RFX3: variants seen among roughly 807,000 people sequenced by gnomAD.
The protein encoded by RFX3 is transcription factor RFX3.
RFX3 carries 14 observed loss-of-function variants against 98.6 expected under a neutral mutation model. That is an observed-to-expected ratio of 0.14 (90% CI 0.09 to 0.22). The LOEUF (loss-of-function observed/expected upper bound fraction) is 0.22. Among genes scored for constraint, RFX3 ranks in the 10% least tolerant of loss-of-function variants. RFX3 has a pLI of 1.00. For synonymous variants in RFX3, 383 were observed against 328.4 expected, an observed-to-expected ratio of 1.17 and a Z score of -1.80; for missense variants, 639 against 926.9, an observed-to-expected ratio of 0.69 and a Z score of 4.03.
At chr9:3,338,081 T>C (rs1334932835) in intron 3 of RFX3, among the ~76,000 whole-genome samples, 1 of 152,200 alleles carries the variant, frequency 6.6e-6, no homozygotes, top group East Asian at 1.9e-4. Flanking sequence ...GACATGTCTA[T>C]TTTGTGGAAG....
intron 3 of RFX3, chr9:3,344,589 A>G (rs1834234796): frequency 4.1e-6 from 2 of 493,804 alleles, no homozygotes; most frequent in South Asian, 5.2e-5. Flanking sequence ...TAACTCTCTC[A>G]ATACCCATTT....
intron 1 of RFX3, among the ~76,000 whole-genome samples, chr9:3,420,304 C>G (rs1049925509): frequency 6.6e-6 from 1 of 152,122 alleles, no homozygotes; most frequent in African/African-American, 2.4e-5. Context: ...AACCAAATGC[C>G]CCTACACAGA....
chr9:3,369,108 AAGAT>A (rs770322923), intron 2 of RFX3, among the ~76,000 whole-genome samples: 2 of 152,192 alleles, frequency 1.3e-5, no homozygotes, highest in Non-Finnish European at 2.9e-5. Flanking sequence ...CCAGGAGAAA[AAGAT>A]AGGAAGACAG....
At position 3,270,419 on chromosome 9, in the gene RFX3, G is replaced by C. The variant is rs758521951; in HGVS notation, c.1309C>G (p.Gln437Glu). 6.2e-7 allele frequency: 1 copy of C among 1,613,782 alleles called. No homozygotes were observed. The highest frequency in any genetic ancestry group is 8.5e-7 in the Non-Finnish European group (1 of 1,179,792). ...GGGATGAGAATCTCCACCAAAGCCTGGTACATCCCATGGTCACAGTTACAC... is the reference window on the plus strand; with the variant it reads ...GGGATGAGAATCTCCACCAAAGCCTCGTACATCCCATGGTCACAGTTACAC... ...WMCNCDHGMY[Q>E]ALVEILIPDV... Residue 437 changes from glutamine to glutamate, a missense_variant, in exon 11 of 17, where the codon CAG (glutamine) becomes GAG (glutamate). By Grantham distance (29) the Gln-to-Glu change is conservative (BLOSUM62 2). Around this residue, in one of 9 missense-constraint regions of RFX3, gnomAD observed 138 missense variants for 308.9 expected, o/e 0.45. Transcript: ENST00000617270.
At chr9:3,508,936 ACTT>A (rs1817392068) in intron 1 of RFX3, among the ~76,000 whole-genome samples, 1 of 151,582 alleles carries the variant, frequency 6.6e-6, no homozygotes. Flanking sequence ...TCACTGATTT[ACTT>A]CTAATTGTAA....
intron 3 of RFX3, among the ~76,000 whole-genome samples, chr9:3,341,798 G>T (rs1257535327): frequency 2.6e-5 from 4 of 152,112 alleles, no homozygotes; most frequent in East Asian, 3.8e-4. Context: ...ATGGCAAGTG[G>T]ATTCACAAAT....
chr9:3,367,816 T>C (rs892314396), intron 2 of RFX3, among the ~76,000 whole-genome samples: 1 of 152,216 alleles, frequency 6.6e-6, no homozygotes, highest in African/African-American at 2.4e-5. Context: ...AAAGTTCGAA[T>C]AGTTAAGTTA....
chr9:3,462,122 C>A (rs993107043), intron 1 of RFX3, among the ~76,000 whole-genome samples: 3 of 151,918 alleles, frequency 2.0e-5, no homozygotes, highest in Admixed American at 2.0e-4. Context: ...AAGTGACAAG[C>A]ATACTACAAG....
chr9:3,456,976 G>A (rs578150475), intron 1 of RFX3, among the ~76,000 whole-genome samples: 18 of 151,504 alleles, frequency 1.2e-4, no homozygotes, highest in Non-Finnish European at 1.6e-4. Context: ...GTGAAACCCC[G>A]TCTCTACTAC....
intron 4 of RFX3, among the ~76,000 whole-genome samples, chr9:3,302,201 G>T (rs1395086435): frequency 1.3e-5 from 2 of 151,696 alleles, no homozygotes; most frequent in African/African-American, 4.8e-5. Context: ...GTAAAATGAT[G>T]GTCCCTACAT....
intron 4 of RFX3, among the ~76,000 whole-genome samples, chr9:3,322,415 G>A (rs1251453551): frequency 6.6e-6 from 1 of 151,996 alleles, no homozygotes; most frequent in Non-Finnish European, 1.5e-5. Context: ...TAACTATCTA[G>A]AAAAGCTATT....
At chr9:3,275,730 G>C (rs2131398587) in intron 8 of RFX3, 118 bp from the exon 9 acceptor site, 1 of 554,682 alleles carries the variant, frequency 1.8e-6, no homozygotes, top group Admixed American at 3.2e-5. Flanking sequence ...CAGGGGTCCA[G>C]AGAGCAAGGA....
At chr9:3,351,184 T>A (rs192720343) in intron 2 of RFX3, among the ~76,000 whole-genome samples, 8 of 151,658 alleles carry the variant, frequency 5.3e-5, no homozygotes, top group African/African-American at 1.9e-4. Context: ...AGGCTATTCA[T>A]GTGTGAAGCG....
At chr9:3,268,432 G>A (rs1168537810) in intron 11 of RFX3, among the ~76,000 whole-genome samples, 3 of 151,658 alleles carry the variant, frequency 2.0e-5, no homozygotes, top group African/African-American at 7.3e-5. Context: ...TTCCAAAGCT[G>A]ACTTGTCTCA....
At chr9:3,227,275 AAGGGT>A (rs1817888324) in intron 16 of RFX3, among the ~76,000 whole-genome samples, 1 of 152,142 alleles carries the variant, frequency 6.6e-6, no homozygotes, top group Admixed American at 6.5e-5. Flanking sequence ...TGTGGATGGA[AAGGGT>A]AGTGAGAAAA....
chr9:3,447,018 T>C (rs188713319), intron 1 of RFX3, among the ~76,000 whole-genome samples: 1 of 152,234 alleles, frequency 6.6e-6, no homozygotes, highest in East Asian at 1.9e-4. Context: ...AAGCATTACT[T>C]ATTCGTTGAG....
intron 4 of RFX3, 28 bp downstream of exon 4, chr9:3,330,231 C>T (rs1832428910): frequency 1.2e-6 from 2 of 1,612,214 alleles, no homozygotes; most frequent in Non-Finnish European, 8.5e-7. Flanking sequence ...AAAAGCTAAA[C>T]TAAACTACTA....
At position 3,519,367 on chromosome 9, in the gene RFX3, T is replaced by C. The variant is rs116325104; in HGVS notation, c.-9+6380A>G. ...TGGAGGAAAAAGAATAATTATTATT[T>C]AATGAGTATAAATTGGTAAGCAAAG... On this transcript the variant is annotated intron_variant, in intron 1 of 16. Coordinates refer to ENST00000617270, the MANE Select transcript of RFX3 (RefSeq NM_001282116.2). Among the ~76,000 whole-genome samples the C allele has an allele frequency of 5.3e-4, 81 of 152,312 alleles. 1 individual carries two copies. In the South Asian group the frequency reaches 6.6e-3, roughly 12 times the overall value.
At chr9:3,330,845 C>A (rs1017442203) in intron 3 of RFX3, among the ~76,000 whole-genome samples, 1 of 152,152 alleles carries the variant, frequency 6.6e-6, no homozygotes, top group African/African-American at 2.4e-5. Flanking sequence ...ATAAAATGTA[C>A]TACAAATCCC....
Sources: allele counts gnomAD v4.1 joint callset (sites outside exome capture counted in the v4.1 genomes callset), GRCh38; gene constraint gnomAD v4.1.1; regional missense constraint gnomAD v4.1.1; transcripts MANE v1.5; gene names NCBI Gene and HGNC (gene_info 2026-07-23, HGNC 2026-07-21).